The following SLC2A13 variants were observed in gnomAD, a reference collection of about 807,000 sequenced individuals.
The protein encoded by SLC2A13 is proton myo-inositol cotransporter.
A neutral mutation model predicts 64.4 loss-of-function variants in SLC2A13; 32 were observed. That is an observed-to-expected ratio of 0.50 (90% CI 0.37 to 0.67). The LOEUF is 0.67. Among genes scored for constraint, SLC2A13 ranks in the 30% least tolerant of loss-of-function variants. The probability of loss-of-function intolerance (pLI) is 0.00; values close to 1 mark genes in which losing one functional copy is unlikely to be tolerated. For synonymous variants in SLC2A13, 338 were observed against 327.1 expected (o/e 1.03, Z -0.36); for missense variants, 743 against 829.2 (o/e 0.90, Z 1.28).
intron 3 of SLC2A13, among the ~76,000 whole-genome samples, chr12:40,004,704 G>A (rs1266364382): frequency 6.7e-6 from 1 of 149,436 alleles, no homozygotes; most frequent in Non-Finnish European, 1.5e-5. Context: ...AAACACTTTT[G>A]GCTCCCCAAA....
At chr12:39,971,591 T>A (rs972029385) in intron 3 of SLC2A13, among the ~76,000 whole-genome samples, 3 of 152,108 alleles carry the variant, frequency 2.0e-5, no homozygotes, top group Non-Finnish European at 2.9e-5. Flanking sequence ...CATAGTGCAG[T>A]TGCTTCCTCC....
intron 3 of SLC2A13, among the ~76,000 whole-genome samples, chr12:39,960,993 CGTCTT>C (rs1946402757): frequency 1.3e-5 from 2 of 151,546 alleles, no homozygotes; most frequent in South Asian, 2.1e-4. Context: ...GTGATCCACT[CGTCTT>C]GGCCTTCCAA....
intron 7 of SLC2A13, among the ~76,000 whole-genome samples, chr12:39,775,421 G>C (rs766635120): frequency 4.4e-4 from 67 of 152,324 alleles, no homozygotes; most frequent in Admixed American, 7.2e-4. Flanking sequence ...AGTTCCTCCT[G>C]TATTCCTGAA....
intron 1 of SLC2A13, among the ~76,000 whole-genome samples, chr12:40,103,715 T>C (rs1162735740): frequency 2.6e-5 from 4 of 152,174 alleles, no homozygotes; most frequent in African/African-American, 7.2e-5. Flanking sequence ...GTTATTTCTA[T>C]GTCAGAAGCA....
rs1243978461 is a variant in SLC2A13, at chr12:39,755,139, A to T, written c.*4887T>A. 6.6e-6 allele frequency: 1 copy of T among 152,064 alleles called. No individual in the cohort carries two copies. Among genetic ancestry groups the T allele is most frequent in the Non-Finnish European group, 1.5e-5 (1 of 67,932 alleles). 9.4% of individuals were successfully genotyped at this position (152,064 alleles called of 1,614,324 possible). On this transcript the variant is annotated 3_prime_UTR_variant, in exon 10 of 10. Coordinates refer to ENST00000280871, the MANE Select transcript of SLC2A13 (RefSeq NM_052885.4). ...TGTAAAGATTGAACTTCAATAAAATAACTTAAAAAACATTTACATGTATAT... is the reference window on the plus strand; with the variant it reads ...TGTAAAGATTGAACTTCAATAAAATTACTTAAAAAACATTTACATGTATAT...
chr12:39,910,729 T>C (rs1945409596), intron 4 of SLC2A13, among the ~76,000 whole-genome samples: 1 of 152,062 alleles, frequency 6.6e-6, no homozygotes, highest in Non-Finnish European at 1.5e-5. Context: ...TATGACTATA[T>C]GTGTGGTTTA....
chr12:39,999,021 A>G (rs1947280900), intron 3 of SLC2A13, among the ~76,000 whole-genome samples: 1 of 152,178 alleles, frequency 6.6e-6, no homozygotes, highest in Non-Finnish European at 1.5e-5. Flanking sequence ...GCAGCAGAGG[A>G]ACATAAATTG....
At chr12:39,946,808 G>T (rs1298035302) in intron 4 of SLC2A13, among the ~76,000 whole-genome samples, 4 of 152,210 alleles carry the variant, frequency 2.6e-5, no homozygotes, top group Non-Finnish European at 4.4e-5. Flanking sequence ...AAAGAAAAGG[G>T]CTTTAGTTTT....
intron 4 of SLC2A13, among the ~76,000 whole-genome samples, chr12:39,887,337 A>G (rs181719921): frequency 6.6e-6 from 1 of 152,140 alleles, no homozygotes; most frequent in Non-Finnish European, 1.5e-5. Context: ...GTTATATCCC[A>G]AAAGTACCCT....
intron 4 of SLC2A13, among the ~76,000 whole-genome samples, chr12:39,881,308 A>G (rs2135958682): frequency 6.6e-6 from 1 of 152,216 alleles, no homozygotes; most frequent in Admixed American, 6.5e-5. Context: ...CATAGATGAC[A>G]ATATGAGTGT....
intron 7 of SLC2A13, among the ~76,000 whole-genome samples, chr12:39,793,258 G>T (rs1388412201): frequency 6.6e-6 from 1 of 152,158 alleles, no homozygotes; most frequent in South Asian, 2.1e-4. Context: ...AAAAGGAAAT[G>T]TTTAGGAAGA....
At chr12:39,958,313 C>T (rs1244211341) in intron 3 of SLC2A13, among the ~76,000 whole-genome samples, 3 of 152,190 alleles carry the variant, frequency 2.0e-5, no homozygotes, top group East Asian at 3.8e-4. Context: ...GGACAGTGCA[C>T]GGCTGTGGAA....
intron 4 of SLC2A13, among the ~76,000 whole-genome samples, chr12:39,900,041 C>G (rs1408778382): frequency 6.6e-6 from 1 of 152,000 alleles, no homozygotes. Context: ...TCATTATATG[C>G]AAATCAATAA....
chr12:39,816,469 T>C lies in SLC2A13; in HGVS notation c.1445+13634A>G, dbSNP rs531785738. On this transcript the variant is annotated intron_variant, in intron 7 of 9. Transcript: ENST00000280871. The stretch of plus-strand genomic sequence containing the variant: ...GGGGGAGGGATAGCATTAGGAGATA[T>C]ACCTAATGTAAATGACGAGTTAATG... Among the ~76,000 whole-genome samples the C allele has an allele frequency of 1.4e-3, 212 of 148,326 alleles. 1 individual carries two copies. Among genetic ancestry groups the C allele is most frequent in the African/African-American group, 4.8e-3 (194 of 40,682 alleles).
In SLC2A13 at chr12:40,078,082, T is replaced by C. The variant is rs11175069; in HGVS notation, c.556+27171A>G. 1.0e-3 allele frequency among the ~76,000 whole-genome samples: 154 copies of C among 152,324 alleles called. 2 individuals carry two copies. The East Asian group carries it at 0.013, about 12-fold the overall frequency. ...AGTATGGGGTTTTCTAGATATACAA[T>C]TATATCATCTGTAGATAGATATGGT... On this transcript the variant is annotated intron_variant, in intron 1 of 9. Coordinates refer to ENST00000280871, the MANE Select transcript of SLC2A13 (RefSeq NM_052885.4).
chr12:40,022,365 T>G (rs1174409479), intron 3 of SLC2A13, among the ~76,000 whole-genome samples: 2 of 152,240 alleles, frequency 1.3e-5, no homozygotes, highest in Non-Finnish European at 2.9e-5. Context: ...TGGGCCTGCA[T>G]CTAATTCCAA....
At chr12:40,091,930 C>T (rs989027786) in intron 1 of SLC2A13, among the ~76,000 whole-genome samples, 8 of 152,206 alleles carry the variant, frequency 5.3e-5, no homozygotes, top group African/African-American at 1.9e-4. Flanking sequence ...AATAGTTTAT[C>T]AATTAATCCA....
chr12:39,852,857 C>A (rs985862136), intron 6 of SLC2A13, among the ~76,000 whole-genome samples: 1 of 152,162 alleles, frequency 6.6e-6, no homozygotes, highest in Non-Finnish European at 1.5e-5. Flanking sequence ...GATTGGTAGC[C>A]TTCCGAGACG....
chr12:39,949,276 G>C (rs973681755), intron 4 of SLC2A13, among the ~76,000 whole-genome samples: 4 of 152,168 alleles, frequency 2.6e-5, no homozygotes, highest in African/African-American at 9.7e-5. Context: ...TTGATTAGCT[G>C]TTTTACATCA....
Sources: allele counts gnomAD v4.1 joint callset (sites outside exome capture counted in the v4.1 genomes callset), GRCh38; gene constraint gnomAD v4.1.1; transcripts MANE v1.5; gene names NCBI Gene and HGNC (gene_info 2026-07-23, HGNC 2026-07-21).